Variants in SRD5A1 observed in about 807,000 individuals in gnomAD.
SRD5A1 encodes steroid 5 alpha-reductase 1.
In SRD5A1, 22 loss-of-function variants were observed where a neutral mutation model predicts 28.2. The ratio of observed to expected loss-of-function variants is 0.78; its 90% CI spans 0.56 to 1.12. The LOEUF (loss-of-function observed/expected upper bound fraction) is 1.12. SRD5A1 is among the 50% of genes most tolerant of loss of function. SRD5A1 has a pLI of 0.00. For synonymous variants in SRD5A1, 151 were observed against 135.0 expected (o/e 1.12, Z -0.82); for missense variants, 300 against 346.7 (o/e 0.87, Z 1.07).
intron 1 of SRD5A1, among the ~76,000 whole-genome samples, chr5:6,643,448 G>T (rs1470667325): frequency 6.6e-6 from 1 of 152,098 alleles, no homozygotes; most frequent in Admixed American, 6.5e-5. Flanking sequence ...GGGACTACAG[G>T]CATGTACCAC....
At chr5:6,663,733 G>T (rs995806043) in intron 4 of SRD5A1, among the ~76,000 whole-genome samples, 1 of 151,996 alleles carries the variant, frequency 6.6e-6, no homozygotes, top group East Asian at 1.9e-4. Context: ...GGTGGCGGGC[G>T]CCTGTAATCC....
intron 1 of SRD5A1, among the ~76,000 whole-genome samples, chr5:6,646,020 GT>G (rs1481681934): frequency 6.6e-6 from 1 of 151,868 alleles, no homozygotes; most frequent in Non-Finnish European, 1.5e-5. Flanking sequence ...ACAGGCCCCA[GT>G]GTGTGATGTT....
chr5:6,640,511 G>C (rs901895765), intron 1 of SRD5A1, among the ~76,000 whole-genome samples: 4 of 150,252 alleles, frequency 2.7e-5, no homozygotes, highest in Non-Finnish European at 1.5e-5. Context: ...AAAACAACTT[G>C]ATGAAAAGCA....
Position 6,668,540 on chromosome 5 carries a change from T to C in SRD5A1, c.*272T>C. The C allele has an allele frequency of 3.3e-6, 1 of 302,066 alleles. No homozygotes were observed. The highest frequency in any genetic ancestry group is 6.2e-6 in the Non-Finnish European group (1 of 161,636). The allele number at this position is 302,066 out of a possible 1,614,324, so 18.7% of individuals were successfully genotyped here. On this transcript the variant is annotated 3_prime_UTR_variant, in exon 5 of 5. Transcript: ENST00000274192. ...TTTTTTCTAATTTCAAATTTACCTC[T>C]TTTGGCTATGTCTTGCCAAGTGTGT...
chr5:6,639,528 G>A (rs373049982), intron 1 of SRD5A1, among the ~76,000 whole-genome samples: 6 of 152,238 alleles, frequency 3.9e-5, no homozygotes, highest in African/African-American at 1.4e-4. Context: ...CGGACAGTAA[G>A]AATGGACATG....
chr5:6,637,865 G>A lies in SRD5A1; in HGVS notation c.293+3996G>A, dbSNP rs570529572. Among the ~76,000 whole-genome samples, 12 of 152,330 alleles carry A rather than the reference G, an allele frequency of 7.9e-5. No homozygotes were observed. The South Asian group carries it at 2.5e-3, about 32-fold the overall frequency. On this transcript the variant is annotated intron_variant, in intron 1 of 4. Transcript: ENST00000274192. ...GCTTCTGTCTTTATCTCTGACGATG[G>A]TGCCTCAAAACATTGCACCTACTTT...
chr5:6,633,928 C>G (rs949929140), intron 1 of SRD5A1, 59 bp downstream of exon 1: 2 of 1,557,612 alleles, frequency 1.3e-6, no homozygotes, highest in African/African-American at 2.7e-5. Flanking sequence ...CTCTCCGACC[C>G]TCCCCTCACT....
intron 3 of SRD5A1, among the ~76,000 whole-genome samples, chr5:6,661,412 G>C (rs544609234): frequency 1.4e-5 from 2 of 146,238 alleles, no homozygotes; most frequent in South Asian, 4.4e-4. Context: ...AAAAAAAAAG[G>C]TAGCCAAAAG....
chr5:6,667,711 T>C (rs1229137857), intron 4 of SRD5A1, among the ~76,000 whole-genome samples: 1 of 152,206 alleles, frequency 6.6e-6, no homozygotes, highest in African/African-American at 2.4e-5. Flanking sequence ...TTCCCCAGAT[T>C]TCACCGAATC....
rs944374170 is a variant in SRD5A1, at chr5:6,668,902, A to G, written c.*634A>G. The G allele has an allele frequency of 2.6e-5, 4 of 152,336 alleles. No individual in the cohort carries two copies. The highest frequency in any genetic ancestry group is 9.7e-5 in the African/African-American group (4 of 41,442). The allele number at this position is 152,336 out of a possible 1,614,324, so 9.4% of individuals were successfully genotyped here. ...GTTCCAGCCCAGCCCACCGGGTGAC[A>G]TCACCGGGCAGGGAGGGGTGCTGGT... On this transcript the variant is annotated 3_prime_UTR_variant, in exon 5 of 5. Transcript: ENST00000274192.
intron 1 of SRD5A1, among the ~76,000 whole-genome samples, chr5:6,637,473 C>G (rs1216409274): frequency 6.6e-6 from 1 of 152,188 alleles, no homozygotes. Context: ...GGCATTAGCT[C>G]TGAACTGTGT....
At chr5:6,658,255 G>A (rs1406526774) in intron 3 of SRD5A1, among the ~76,000 whole-genome samples, 1 of 152,166 alleles carries the variant, frequency 6.6e-6, no homozygotes. Flanking sequence ...AGTCTGGGAG[G>A]CAGAGGGTGC....
chr5:6,657,134 T>TA (rs1237707562), intron 3 of SRD5A1, among the ~76,000 whole-genome samples: 5 of 152,254 alleles, frequency 3.3e-5, no homozygotes, highest in African/African-American at 4.8e-5. Flanking sequence ...TTCTTCCACT[T>TA]ATGTTCCTAG....
intron 4 of SRD5A1, among the ~76,000 whole-genome samples, chr5:6,667,917 G>T (rs529283075): frequency 2.0e-5 from 3 of 152,186 alleles, no homozygotes; most frequent in Non-Finnish European, 2.9e-5. Context: ...AGACAGCTCC[G>T]CAATGTGCTG....
At chr5:6,661,234 CT>C (rs1738989114) in intron 3 of SRD5A1, among the ~76,000 whole-genome samples, 1 of 152,056 alleles carries the variant, frequency 6.6e-6, no homozygotes, top group Non-Finnish European at 1.5e-5. Context: ...CATTTTCTTT[CT>C]TTTTAAAAAA....
chr5:6,659,915 C>G (rs1484137224), intron 3 of SRD5A1, among the ~76,000 whole-genome samples: 2 of 152,162 alleles, frequency 1.3e-5, no homozygotes, highest in Non-Finnish European at 2.9e-5. Flanking sequence ...CTTAATTTTG[C>G]AGGGCGTTTT....
At position 6,633,703 on chromosome 5, in the gene SRD5A1, C is replaced by T; in HGVS notation, c.127C>T (p.Leu43=). Residue 43 remains leucine, a synonymous_variant, in exon 1 of 5, where the codon CTG becomes TTG. Transcript: ENST00000274192. ...GAACTCAGTGTACGGCCGCCACGCG[C>T]TGCCCAGCCACAGGCTCCGAGTGCC... ...QTNSVYGRHA[L]PSHRLRVPAR... is the part of the protein sequence containing the mutation. The T allele has an allele frequency of 6.3e-7, 1 of 1,590,590 alleles. No homozygotes were observed. Among genetic ancestry groups the T allele is most frequent in the South Asian group, 1.1e-5 (1 of 90,550 alleles).
chr5:6,655,638 G>A (rs545500308), intron 2 of SRD5A1, among the ~76,000 whole-genome samples: 1 of 152,376 alleles, frequency 6.6e-6, no homozygotes, highest in East Asian at 1.9e-4. Context: ...CGTACAGCCA[G>A]TGGTGACAGA....
chr5:6,633,548 G>T lies in SRD5A1; in HGVS notation c.-29G>T, dbSNP rs1314838634. ...ATATGTTGCCCGCCGCGGCCTCTGGGGCATGGAGCACGCTGCCCAGCCCTG... is the reference window on the plus strand; with the variant it reads ...ATATGTTGCCCGCCGCGGCCTCTGGTGCATGGAGCACGCTGCCCAGCCCTG... On this transcript the variant is annotated 5_prime_UTR_variant, in exon 1 of 5. Transcript: ENST00000274192. 35 of 1,475,106 alleles carry T rather than the reference G, an allele frequency of 2.4e-5. No homozygotes were observed. The highest frequency in any genetic ancestry group is 3.0e-5 in the Non-Finnish European group (34 of 1,121,238). 91.4% of individuals were successfully genotyped at this position (1,475,106 alleles called of 1,614,324 possible). A position where few individuals can be genotyped will look rare whatever the true frequency, so the allele number is the denominator to read the frequency against.
Sources: gnomAD v4.1 joint callset for allele counts (sites outside exome capture counted in the v4.1 genomes callset) on GRCh38, gnomAD v4.1.1 for gene constraint, MANE v1.5 for transcripts, NCBI Gene and HGNC (gene_info 2026-07-23, HGNC 2026-07-21) for gene names.